BMP5: variants seen among roughly 807,000 people sequenced by gnomAD.
BMP5 encodes bone morphogenetic protein 5.
Under a neutral mutation model 46.6 loss-of-function variants are expected in BMP5, and 23 were observed. The ratio of observed to expected loss-of-function variants is 0.49; its 90% CI spans 0.35 to 0.70. The LOEUF is 0.70. BMP5 is among the 30% of genes least tolerant of loss of function. The pLI, the probability that BMP5 is intolerant of heterozygous loss-of-function variation, is 0.00. For missense variants in BMP5, 545 were observed against 565.6 expected, an observed-to-expected ratio of 0.96 and a Z score of 0.37; for synonymous variants, 204 against 191.9, an observed-to-expected ratio of 1.06 and a Z score of -0.52.
chr6:55,786,576 T>G (rs1389299350), intron 3 of BMP5, among the ~76,000 whole-genome samples: 1 of 151,676 alleles, frequency 6.6e-6, no homozygotes, highest in Non-Finnish European at 1.5e-5. Flanking sequence ...ATTAATTTCA[T>G]TTCTTCAGGT....
At chr6:55,814,408 A>C (rs2127536536) in intron 2 of BMP5, among the ~76,000 whole-genome samples, 1 of 152,326 alleles carries the variant, frequency 6.6e-6, no homozygotes, top group African/African-American at 2.4e-5. Context: ...GATATGCATT[A>C]GCCCTTCCCA....
chr6:55,757,075 T>G (rs1316414834), intron 6 of BMP5, among the ~76,000 whole-genome samples: 1 of 151,988 alleles, frequency 6.6e-6, no homozygotes, highest in Non-Finnish European at 1.5e-5. Context: ...AGCAGACTCT[T>G]GTTCAAAGTT....
At chr6:55,850,741 A>T (rs1777221309) in intron 1 of BMP5, among the ~76,000 whole-genome samples, 2 of 152,318 alleles carry the variant, frequency 1.3e-5, no homozygotes, top group Middle Eastern at 3.4e-3. Flanking sequence ...ATATTTATTT[A>T]GCATCAACTA....
chr6:55,808,191 C>T (rs1057196254), intron 2 of BMP5, among the ~76,000 whole-genome samples: 3 of 152,192 alleles, frequency 2.0e-5, no homozygotes, highest in Non-Finnish European at 2.9e-5. Context: ...GTTTTAGAAG[C>T]TCCTGCAGGA....
rs560541714 is a variant in BMP5 at position 55,809,581 on chromosome 6, A to AAT, written c.683+10072_683+10073dup. 3.1e-3 allele frequency among the ~76,000 whole-genome samples: 479 copies of AAT among 152,120 alleles called. 4 individuals are homozygous for AAT. Among genetic ancestry groups the AAT allele is most frequent in the African/African-American group, 0.011 (445 of 41,536 alleles). ...TTGTGGTTGTGGTTTCAATTACATG[A>AAT]ATATATGTATATGTGTGTATGCATG... On this transcript the variant is annotated intron_variant, in intron 2 of 6. Transcript: ENST00000370830.
intron 2 of BMP5, 54 bp downstream of exon 2, chr6:55,819,601 A>C: frequency 7.0e-7 from 1 of 1,431,392 alleles, no homozygotes; most frequent in Non-Finnish European, 9.8e-7. Flanking sequence ...AATGGCTTTT[A>C]CTAAAATTTT....
intron 4 of BMP5, among the ~76,000 whole-genome samples, chr6:55,764,908 T>C (rs1458366842): frequency 6.6e-6 from 1 of 152,126 alleles, no homozygotes; most frequent in Non-Finnish European, 1.5e-5. Flanking sequence ...GTTACAATGG[T>C]TAGCGATAAT....
chr6:55,858,509 A>C (rs1443635177), intron 1 of BMP5, among the ~76,000 whole-genome samples: 1 of 152,226 alleles, frequency 6.6e-6, no homozygotes, highest in Non-Finnish European at 1.5e-5. Flanking sequence ...AAGATTAATA[A>C]ATCTCAGAAG....
chr6:55,823,064 G>T (rs1405348174), intron 1 of BMP5, among the ~76,000 whole-genome samples: 2 of 152,026 alleles, frequency 1.3e-5, no homozygotes, highest in African/African-American at 4.8e-5. Context: ...GTAACACTAG[G>T]GAGGTGGCAA....
rs577104175 is a variant in BMP5, at chr6:55,787,474, A to C, written c.832+6805T>G. Among the ~76,000 whole-genome samples, 3 of 151,810 alleles carry C rather than the reference A, an allele frequency of 2.0e-5. No individual in the cohort carries two copies. The East Asian group carries it at 5.8e-4, about 29-fold the overall frequency. On this transcript the variant is annotated intron_variant, in intron 3 of 6. Transcript: ENST00000370830. Reference sequence around the variant, plus strand: ...TATACTGCAATTCAAAAGATGTGGCAATTTTGGAAAAACTGAGTTTAACAG... The same window carrying C: ...TATACTGCAATTCAAAAGATGTGGCCATTTTGGAAAAACTGAGTTTAACAG...
chr6:55,840,689 T>C (rs1776926601), intron 1 of BMP5, among the ~76,000 whole-genome samples: 1 of 152,230 alleles, frequency 6.6e-6, no homozygotes, highest in African/African-American at 2.4e-5. Context: ...GTATTATTGC[T>C]TTGTCATCTG....
At chr6:55,833,621 G>T (rs541798981) in intron 1 of BMP5, among the ~76,000 whole-genome samples, 1 of 152,280 alleles carries the variant, frequency 6.6e-6, no homozygotes, top group Non-Finnish European at 1.5e-5. Flanking sequence ...GAAACTGAAT[G>T]CATCTGAAAG....
chr6:55,775,149 G>A (rs1051644405), intron 3 of BMP5, among the ~76,000 whole-genome samples: 1 of 151,884 alleles, frequency 6.6e-6, no homozygotes, highest in Non-Finnish European at 1.5e-5. Context: ...TACCAATATA[G>A]GAGTGAGTTA....
intron 2 of BMP5, among the ~76,000 whole-genome samples, chr6:55,814,985 T>C (rs907424832): frequency 6.6e-6 from 1 of 151,802 alleles, no homozygotes; most frequent in Non-Finnish European, 1.5e-5. Context: ...ATACAAAAAT[T>C]AGCCAGGTGT....
intron 4 of BMP5, among the ~76,000 whole-genome samples, chr6:55,773,392 G>T (rs1218628600): frequency 6.6e-6 from 1 of 151,954 alleles, no homozygotes; most frequent in Non-Finnish European, 1.5e-5. Context: ...AATTTTGGCA[G>T]TTAGATGCTT....
intron 3 of BMP5, among the ~76,000 whole-genome samples, chr6:55,776,525 T>A (rs2127522205): frequency 8.3e-6 from 1 of 120,736 alleles, no homozygotes; most frequent in African/African-American, 2.8e-5. Flanking sequence ...AATTTTTTCA[T>A]TTTTTTTTTC....
chr6:55,765,954 C>G (rs1774907128), intron 4 of BMP5, among the ~76,000 whole-genome samples: 1 of 152,116 alleles, frequency 6.6e-6, no homozygotes, highest in South Asian at 2.1e-4. Context: ...TTCCCTGACG[C>G]CTCCTGCTCA....
intron 4 of BMP5, among the ~76,000 whole-genome samples, chr6:55,769,317 A>C (rs2127519200): frequency 6.6e-6 from 1 of 152,052 alleles, no homozygotes; most frequent in Non-Finnish European, 1.5e-5. Flanking sequence ...AAAATGCTAA[A>C]TCCTTTGTTG....
chr6:55,769,539 A>T (rs770963071), intron 4 of BMP5, among the ~76,000 whole-genome samples: 3 of 151,798 alleles, frequency 2.0e-5, no homozygotes, highest in Non-Finnish European at 1.5e-5. Flanking sequence ...GAAGTCTTGA[A>T]CCCATCAAAG....
Sources: allele counts gnomAD v4.1 joint callset (sites outside exome capture counted in the v4.1 genomes callset), GRCh38; gene constraint gnomAD v4.1.1; transcripts MANE v1.5; gene names NCBI Gene and HGNC (gene_info 2026-07-23, HGNC 2026-07-21).